WWOX: variants seen among roughly 807,000 people sequenced by gnomAD.
WWOX encodes WW domain containing oxidoreductase, also known as WW domain-containing oxidoreductase.
In WWOX, 69 loss-of-function variants were observed where a neutral mutation model predicts 46.2. The observed-to-expected ratio is 1.49, with a 90% CI of 1.23 to 1.82. The LOEUF is 1.82. Ranked by LOEUF, WWOX falls within the 40% of genes most tolerant of loss-of-function variation. WWOX has a pLI of 0.00. For synonymous variants in WWOX, 359 were observed against 202.6 expected, an observed-to-expected ratio of 1.77 and a Z score of -6.56; for missense variants, 919 against 542.6, an observed-to-expected ratio of 1.69 and a Z score of -6.89.
At chr16:78,418,221 G>A (rs546288188) in intron 6 of WWOX, among the ~76,000 whole-genome samples, 2 of 151,972 alleles carry the variant, frequency 1.3e-5, no homozygotes, top group Admixed American at 6.6e-5. Context: ...AAGATTAGTG[G>A]GGCGTGGTGG....
intron 5 of WWOX, among the ~76,000 whole-genome samples, chr16:78,219,896 A>G (rs2036836221): frequency 6.6e-6 from 1 of 152,118 alleles, no homozygotes; most frequent in Non-Finnish European, 1.5e-5. Flanking sequence ...GATTGTACTG[A>G]AACTTACCAA....
At chr16:78,635,140 A>T (rs2046537060) in intron 8 of WWOX, among the ~76,000 whole-genome samples, 1 of 152,158 alleles carries the variant, frequency 6.6e-6, no homozygotes, top group Non-Finnish European at 1.5e-5. Flanking sequence ...CCTAATGCCA[A>T]AACTGTACCT....
At chr16:78,959,899 G>T (rs1414602796) in intron 8 of WWOX, among the ~76,000 whole-genome samples, 1 of 152,170 alleles carries the variant, frequency 6.6e-6, no homozygotes, top group Non-Finnish European at 1.5e-5. Context: ...GATACAGCCT[G>T]GGCATCAAGA....
chr16:78,102,787 A>G (rs192795259), intron 1 of WWOX, among the ~76,000 whole-genome samples: 1 of 151,824 alleles, frequency 6.6e-6, no homozygotes, highest in South Asian at 2.1e-4. Context: ...TGTTCATCTG[A>G]GTGTCCCCAG....
intron 8 of WWOX, among the ~76,000 whole-genome samples, chr16:78,567,654 G>C (rs536765011): frequency 3.6e-4 from 55 of 151,242 alleles, no homozygotes; most frequent in Non-Finnish European, 6.6e-4. Context: ...GGTGCCCTTT[G>C]CTGCGTAACT....
intron 6 of WWOX, among the ~76,000 whole-genome samples, chr16:78,417,728 T>C (rs1438056711): frequency 1.3e-5 from 2 of 152,154 alleles, no homozygotes; most frequent in African/African-American, 2.4e-5. Flanking sequence ...GTCTAATGAG[T>C]GTTACAGGTA....
chr16:78,491,661 G>C (rs1362885907), intron 8 of WWOX, among the ~76,000 whole-genome samples: 3 of 152,044 alleles, frequency 2.0e-5, no homozygotes, highest in Non-Finnish European at 2.9e-5. Flanking sequence ...TATATAAGAG[G>C]GTGCATTGTG....
chr16:78,727,845 C>T (rs568069505), intron 8 of WWOX, among the ~76,000 whole-genome samples: 2 of 152,044 alleles, frequency 1.3e-5, no homozygotes, highest in East Asian at 3.9e-4. Flanking sequence ...ATCAGTGCTT[C>T]TTGGATATTT....
intron 5 of WWOX, among the ~76,000 whole-genome samples, chr16:78,211,130 A>G (rs2036547143): frequency 6.6e-6 from 1 of 152,164 alleles, no homozygotes; most frequent in Non-Finnish European, 1.5e-5. Flanking sequence ...AAAGGAATTT[A>G]TTTTGGGTTC....
chr16:78,697,917 A>T (rs1377983862), intron 8 of WWOX, among the ~76,000 whole-genome samples: 3 of 152,170 alleles, frequency 2.0e-5, no homozygotes, highest in African/African-American at 7.2e-5. Flanking sequence ...AATGTGCTTG[A>T]GGCCATGCTA....
At chr16:78,694,483 A>C (rs1004205903) in intron 8 of WWOX, among the ~76,000 whole-genome samples, 2 of 152,128 alleles carry the variant, frequency 1.3e-5, no homozygotes, top group Non-Finnish European at 2.9e-5. Flanking sequence ...CTTGCTTTCC[A>C]TTGCTTTGCT....
intron 8 of WWOX, among the ~76,000 whole-genome samples, chr16:79,000,009 T>G (rs2047063164): frequency 6.6e-6 from 1 of 152,188 alleles, no homozygotes; most frequent in Admixed American, 6.5e-5. Context: ...ATCTTAGATT[T>G]AGTAAAACGC....
At chr16:78,869,204 G>T (rs2737286) in intron 8 of WWOX, among the ~76,000 whole-genome samples, 1 of 151,930 alleles carries the variant, frequency 6.6e-6, no homozygotes, top group Non-Finnish European at 1.5e-5. Flanking sequence ...TGTGGACTCT[G>T]TGGTGGGTGG....
chr16:78,669,849 A>G (rs1364009720), intron 8 of WWOX, among the ~76,000 whole-genome samples: 1 of 152,210 alleles, frequency 6.6e-6, no homozygotes, highest in Non-Finnish European at 1.5e-5. Context: ...TAAGATGTTT[A>G]GGGAGAAGGA....
intron 8 of WWOX, among the ~76,000 whole-genome samples, chr16:78,659,328 A>G (rs1466573488): frequency 1.3e-5 from 2 of 151,956 alleles, no homozygotes; most frequent in South Asian, 2.1e-4. Flanking sequence ...GCTCCTAACC[A>G]TCGCGCCTGG....
intron 8 of WWOX, among the ~76,000 whole-genome samples, chr16:78,612,413 A>G (rs1471842838): frequency 2.6e-5 from 4 of 152,240 alleles, no homozygotes; most frequent in African/African-American, 7.2e-5. Flanking sequence ...CCTCAGAGTC[A>G]GGCATCTGGG....
At chr16:78,521,393 G>T (rs914049649) in intron 8 of WWOX, among the ~76,000 whole-genome samples, 3 of 152,018 alleles carry the variant, frequency 2.0e-5, no homozygotes, top group Admixed American at 2.0e-4. Flanking sequence ...TGGGTGGGTG[G>T]TGATGGGGAT....
At chr16:78,853,982 TA>T (rs546266252) in intron 8 of WWOX, among the ~76,000 whole-genome samples, 3 of 152,198 alleles carry the variant, frequency 2.0e-5, no homozygotes. Context: ...AATGTTCGAT[TA>T]AAAAATGAAC....
chr16:79,149,016 T>C (rs1597420227), intron 8 of WWOX, among the ~76,000 whole-genome samples: 1 of 152,292 alleles, frequency 6.6e-6, no homozygotes, highest in East Asian at 1.9e-4. Context: ...CTTTATAATA[T>C]GTGTGCCCTT....
Sources: gnomAD v4.1 joint callset for allele counts (sites outside exome capture counted in the v4.1 genomes callset) on GRCh38, gnomAD v4.1.1 for gene constraint, MANE v1.5 for transcripts, NCBI Gene and HGNC (gene_info 2026-07-23, HGNC 2026-07-21) for gene names.